AMACR: variants seen among roughly 807,000 people sequenced by gnomAD.
AMACR encodes the protein alpha-methylacyl-CoA racemase, also known as 2-methylacyl-CoA racemase.
In AMACR, 18 loss-of-function variants were observed where a neutral mutation model predicts 22.2. The observed-to-expected ratio is 0.81, with a 90% CI of 0.56 to 1.20. The LOEUF is 1.20. Among genes scored for constraint, AMACR ranks in the 50% most tolerant of loss-of-function variants. The pLI is 0.00. For missense variants in AMACR, 499 were observed against 490.6 expected, an observed-to-expected ratio of 1.02 and a Z score of -0.16; for synonymous variants, 213 against 191.3, an observed-to-expected ratio of 1.11 and a Z score of -0.94.
intron 4 of AMACR, among the ~76,000 whole-genome samples, chr5:33,993,375 A>G (rs1256797454): frequency 6.6e-6 from 1 of 152,170 alleles, no homozygotes; most frequent in Non-Finnish European, 1.5e-5. Flanking sequence ...GAATAATGTC[A>G]CTATGAACAC....
rs151086469 is a variant in AMACR at position 33,989,439 on chromosome 5, T to C, written c.803A>G (p.Lys268Arg). The C allele has an allele frequency of 2.5e-6, 4 of 1,614,072 alleles. No homozygotes were observed. The highest frequency in any genetic ancestry group is 2.7e-5 in the African/African-American group (2 of 74,936). Reference protein sequence around the residue: ...QMSMDDWPEMKKKFADVFAEK... With the variant: ...QMSMDDWPEMRKKFADVFAEK... ...TGCAAATACATCTGCAAACTTCTTCTTCATTTCTGGCCAATCATCCATGCT... is the reference window on the plus strand; with the variant it reads ...TGCAAATACATCTGCAAACTTCTTCCTCATTTCTGGCCAATCATCCATGCT... Residue 268 changes from lysine (K) to arginine (R), a missense_variant, in exon 5 of 5, where the codon AAG becomes AGG. Coordinates refer to ENST00000335606, the MANE Select transcript of AMACR (RefSeq NM_014324.6).
intron 4 of AMACR, among the ~76,000 whole-genome samples, chr5:33,990,293 ATT>A (rs1753436689): frequency 6.6e-6 from 1 of 152,238 alleles, no homozygotes; most frequent in Non-Finnish European, 1.5e-5. Flanking sequence ...ACAGAAACTT[ATT>A]AGCCGCCAGT....
Position 34,007,761 on chromosome 5 carries a change from G to T in AMACR, c.247+12C>A. 6.5e-7 allele frequency: 1 copy of T among 1,543,900 alleles called. No homozygotes were observed. The highest frequency in any genetic ancestry group is 8.7e-7 in the Non-Finnish European group (1 of 1,151,204). On this transcript the variant is annotated intron_variant, in intron 1 of 4. Transcript: ENST00000335606. ...GAACTTCCCGAGAGCAGCCCGCGGG[G>T]CCCGGGCTCACCGCGGCGGAAGGGC...
In AMACR at chr5:33,989,433, T is replaced by A. The variant is rs1489527382; in HGVS notation, c.809A>T (p.Lys270Met). 2 of 1,614,118 alleles carry A rather than the reference T, an allele frequency of 1.2e-6. No individual in the cohort carries two copies. The highest frequency in any genetic ancestry group is 1.3e-5 in the African/African-American group (1 of 75,058). Residue 270 changes from lysine (K) to methionine (M), a missense_variant, in exon 5 of 5, where the codon AAG becomes ATG. By Grantham distance (95) the Lys-to-Met change is moderately conservative. Transcript: ENST00000335606. ...SMDDWPEMKKKFADVFAEKTK... is the reference protein window; with the variant it reads ...SMDDWPEMKKMFADVFAEKTK... ...CTTCTCTGCAAATACATCTGCAAAC[T>A]TCTTCTTCATTTCTGGCCAATCATC...
intron 4 of AMACR, among the ~76,000 whole-genome samples, chr5:33,991,571 TACACACACACAC>T (rs528706521): frequency 6.7e-6 from 1 of 150,290 alleles, no homozygotes; most frequent in East Asian, 1.9e-4. Flanking sequence ...ATAACTACCA[TACACACACACAC>T]ACACGTTACA....
chr5:33,988,636 C>A lies in AMACR; in HGVS notation c.*457G>T. 7.9e-7 allele frequency: 1 copy of A among 1,263,058 alleles called. No individual in the cohort carries two copies. The highest frequency in any genetic ancestry group is 1.0e-6 in the Non-Finnish European group (1 of 1,002,952). The allele number at this position is 1,263,058 out of a possible 1,614,324, so 78.2% of individuals were successfully genotyped here. A position where few individuals can be genotyped will look rare whatever the true frequency, so the allele number is the denominator to read the frequency against. On this transcript the variant is annotated 3_prime_UTR_variant, in exon 5 of 5. Transcript: ENST00000335606. ...GTGCTTAGAGGGAGATCATGAACAC[C>A]AAGACAAAAGGCCTGGATGCAACCA...
intron 4 of AMACR, chr5:33,994,033 G>C: frequency 2.2e-6 from 1 of 455,468 alleles, no homozygotes; most frequent in South Asian, 1.6e-5. Context: ...GAAAATAGCA[G>C]GGACGCAGCA....
intron 4 of AMACR, among the ~76,000 whole-genome samples, chr5:33,993,431 T>C (rs1753542953): frequency 6.6e-6 from 1 of 152,144 alleles, no homozygotes; most frequent in Non-Finnish European, 1.5e-5. Flanking sequence ...ATTCTTTTGG[T>C]TATATACTTA....
At chr5:33,990,155 CCCATCCAT>C (rs1456551151) in intron 4 of AMACR, among the ~76,000 whole-genome samples, 1 of 152,106 alleles carries the variant, frequency 6.6e-6, no homozygotes, top group Non-Finnish European at 1.5e-5. Context: ...CATCCATCCA[CCCATCCAT>C]CCATCCATAC....
At chr5:34,007,671 G>C in intron 1 of AMACR, 102 bp downstream of exon 1, 2 of 1,422,470 alleles carry the variant, frequency 1.4e-6, no homozygotes, top group South Asian at 1.5e-5. Context: ...GGGTTCTTGC[G>C]GCAACAGGGC....
chr5:33,994,012 T>C (rs1239513403), intron 4 of AMACR: 2 of 454,728 alleles, frequency 4.4e-6, no homozygotes, highest in African/African-American at 4.0e-5. Flanking sequence ...TTTCAGATTA[T>C]TTTTGTCCTA....
chr5:34,007,629 G>A (rs905961397), intron 1 of AMACR, 144 bp downstream of exon 1: 6 of 1,232,026 alleles, frequency 4.9e-6, no homozygotes, highest in Non-Finnish European at 6.5e-6. Flanking sequence ...AATACCCTAG[G>A]AGGCAAAAAT....
At chr5:33,994,328 G>A (rs929418582) in intron 4 of AMACR, among the ~76,000 whole-genome samples, 5 of 152,042 alleles carry the variant, frequency 3.3e-5, no homozygotes, top group Admixed American at 2.6e-4. Flanking sequence ...ACAGACACGC[G>A]CCACCATACC....
rs1754040291 is a variant in AMACR, at chr5:34,007,828, G to C, written c.192C>G (p.Ala64=). ...ACCGCTTGCACAGACGCCGCAGCACGGCGGCTCCCCGCGGCTGCTTCAGGT... is the reference window on the plus strand; with the variant it reads ...ACCGCTTGCACAGACGCCGCAGCACCGCGGCTCCCCGCGGCTGCTTCAGGT... ...VLDLKQPRGA[A]VLRRLCKRSD... Residue 64 remains alanine (A), a synonymous_variant, in exon 1 of 5, where the codon GCC becomes GCG. Coordinates refer to ENST00000335606, the MANE Select transcript of AMACR (RefSeq NM_014324.6). The C allele has an allele frequency of 1.9e-6, 3 of 1,578,452 alleles. No homozygotes were observed. Among genetic ancestry groups the C allele is most frequent in the Non-Finnish European group, 2.6e-6 (3 of 1,165,946 alleles).
chr5:33,997,813 C>G (rs937705641), intron 4 of AMACR: 1 of 441,202 alleles, frequency 2.3e-6, no homozygotes, highest in Non-Finnish European at 4.0e-6. Context: ...AACAATTACT[C>G]CATCAGATAA....
intron 4 of AMACR, chr5:33,997,550 A>G (rs1341385400): frequency 5.1e-6 from 4 of 777,406 alleles, no homozygotes; most frequent in Admixed American, 1.7e-5. Flanking sequence ...GAAAATGAAT[A>G]TCATTTGCTA....
chr5:34,005,651 GATAA>G (rs1317272938), intron 2 of AMACR, 101 bp downstream of exon 2: 83 of 1,390,854 alleles, frequency 6.0e-5, no homozygotes, highest in African/African-American at 7.2e-5. Context: ...GATTGATTCT[GATAA>G]ATGTTTAAAT....
chr5:33,990,335 C>T (rs1208569770), intron 4 of AMACR, among the ~76,000 whole-genome samples: 8 of 152,320 alleles, frequency 5.3e-5, no homozygotes, highest in East Asian at 3.9e-4. Context: ...CTTTCCTCTC[C>T]GGCATGAAAG....
intron 4 of AMACR, among the ~76,000 whole-genome samples, chr5:33,990,627 CCTTT>C (rs1470860007): frequency 6.6e-6 from 1 of 152,142 alleles, no homozygotes; most frequent in African/African-American, 2.4e-5. Flanking sequence ...AATGAAAGGC[CCTTT>C]CTTTATGCAT....
Sources: allele counts gnomAD v4.1 joint callset (sites outside exome capture counted in the v4.1 genomes callset), GRCh38; gene constraint gnomAD v4.1.1; transcripts MANE v1.5; gene names NCBI Gene and HGNC (gene_info 2026-07-23, HGNC 2026-07-21).